Variants in CREB5 observed in about 807,000 individuals in gnomAD.
The protein encoded by CREB5 is cyclic AMP-responsive element-binding protein 5.
A neutral mutation model predicts 57.1 loss-of-function variants in CREB5; 19 were observed. That is an observed-to-expected ratio of 0.33 (90% CI 0.23 to 0.49). CREB5 has a LOEUF of 0.49. Ranked by LOEUF, CREB5 falls within the 20% of genes least tolerant of loss-of-function variation. CREB5 has a pLI of 0.99. For missense variants in CREB5, 579 were observed against 671.6 expected (o/e 0.86, Z 1.52); for synonymous variants, 238 against 238.3 (o/e 1.00, Z 0.01).
rs1459229383 is a variant in CREB5, at chr7:28,560,807, C to CGTGTGCGCGCGTGTGTGTGTGTGT, written c.292-9557_292-9556insTGTGCGCGCGTGTGTGTGTGTGTG. On this transcript the variant is annotated intron_variant, in intron 4 of 10. Coordinates refer to ENST00000357727, the MANE Select transcript of CREB5 (RefSeq NM_182898.4). The stretch of plus-strand genomic sequence containing the variant: ...TTTCTCTGCTTCCACAGTGTGTGTG[C>CGTGTGCGCGCGTGTGTGTGTGTGT]GCGTGTGTGTGTGTGCGCGCGCGCG... Among the ~76,000 whole-genome samples, 2 of 15,076 alleles carry CGTGTGCGCGCGTGTGTGTGTGTGT rather than the reference C, an allele frequency of 1.3e-4. 1 individual carries two copies. Among genetic ancestry groups the CGTGTGCGCGCGTGTGTGTGTGTGT allele is most frequent in the South Asian group, 6.8e-3 (2 of 294 alleles). 9.9% of individuals were successfully genotyped at this position (15,076 alleles called of 152,430 possible).
chr7:28,545,128 C>T (rs988581402), intron 4 of CREB5, among the ~76,000 whole-genome samples: 1 of 152,144 alleles, frequency 6.6e-6, no homozygotes, highest in African/African-American at 2.4e-5. Flanking sequence ...CAGCCCTCTT[C>T]AAATTAGTAA....
At chr7:28,616,969 A>G (rs1232458265) in intron 5 of CREB5, among the ~76,000 whole-genome samples, 6 of 152,256 alleles carry the variant, frequency 3.9e-5, no homozygotes, top group African/African-American at 1.4e-4. Flanking sequence ...TAGACATTGT[A>G]GGCACTAACA....
intron 7 of CREB5, among the ~76,000 whole-genome samples, chr7:28,747,886 C>T (rs2128761552): frequency 6.6e-6 from 1 of 152,308 alleles, no homozygotes; most frequent in African/African-American, 2.4e-5. Flanking sequence ...AACACACTTT[C>T]TCAGCTGGAT....
intron 1 of CREB5, among the ~76,000 whole-genome samples, chr7:28,355,925 A>C (rs1246196652): frequency 6.6e-6 from 1 of 152,172 alleles, no homozygotes; most frequent in South Asian, 2.1e-4. Context: ...TGAAGAAACG[A>C]GTGACTCAAG....
chr7:28,655,211 T>C (rs970419945), intron 5 of CREB5, among the ~76,000 whole-genome samples: 6 of 152,112 alleles, frequency 3.9e-5, no homozygotes, highest in African/African-American at 1.2e-4. Flanking sequence ...CACCATCCTG[T>C]TTCTGGTGTT....
intron 1 of CREB5, among the ~76,000 whole-genome samples, chr7:28,371,350 A>T (rs546182420): frequency 1.3e-5 from 2 of 152,224 alleles, no homozygotes; most frequent in Admixed American, 6.5e-5. Flanking sequence ...AAAGCTGGGC[A>T]TGGTGGCAGG....
intron 1 of CREB5, among the ~76,000 whole-genome samples, chr7:28,421,823 C>T (rs1482087097): frequency 4.2e-5 from 6 of 143,376 alleles, no homozygotes; most frequent in African/African-American, 1.3e-4. Flanking sequence ...ATATAGTGTG[C>T]ATATATATAT....
At position 28,570,481 on chromosome 7, in the gene CREB5, G is replaced by A. The variant is rs148137879; in HGVS notation, c.408G>A (p.Pro136=). The A allele has an allele frequency of 6.4e-5, 104 of 1,614,122 alleles. No homozygotes were observed. The highest frequency in any genetic ancestry group is 8.1e-5 in the Non-Finnish European group (95 of 1,180,010). The change falls in exon 5 of 11, where the codon CCG becomes CCA. Residue 136 remains proline (P), a synonymous_variant. Coordinates refer to ENST00000357727, the MANE Select transcript of CREB5 (RefSeq NM_182898.4). The stretch of plus-strand genomic sequence containing the variant: ...ACGTTGTGATTCAGCAAGCCATGCC[G>A]TCGCCTCAGTCCAGCTCTGTCATCA... ...DTNVVIQQAM[P]SPQSSSVITQ...
rs1055207970 is a variant in CREB5 at position 28,675,412 on chromosome 7, T to C, written c.465-43341T>C. Among the ~76,000 whole-genome samples, 3 of 152,122 alleles carry C rather than the reference T, an allele frequency of 2.0e-5. No homozygotes were observed. The East Asian group carries it at 5.8e-4, about 29-fold the overall frequency. Reference sequence around the variant, plus strand: ...TGTTTCAGAGCCCACCTTCAGAACTTATGACTTTGGTTTTCCCTGCGTTAT... The same window carrying C: ...TGTTTCAGAGCCCACCTTCAGAACTCATGACTTTGGTTTTCCCTGCGTTAT... On this transcript the variant is annotated intron_variant, in intron 5 of 10. Transcript: ENST00000357727.
chr7:28,308,154 G>A (rs914989127), intron 1 of CREB5, among the ~76,000 whole-genome samples: 10 of 152,158 alleles, frequency 6.6e-5, no homozygotes, highest in South Asian at 4.1e-4. Flanking sequence ...ACATGAGTCC[G>A]TTTCCTAAGG....
chr7:28,360,788 A>G (rs1442443798), intron 1 of CREB5, among the ~76,000 whole-genome samples: 2 of 152,232 alleles, frequency 1.3e-5, no homozygotes, highest in East Asian at 1.9e-4. Context: ...GTCTGTCACA[A>G]GCATAGTTAG....
intron 4 of CREB5, among the ~76,000 whole-genome samples, chr7:28,551,893 TTC>T (rs1491349205): frequency 2.0e-5 from 3 of 151,618 alleles, no homozygotes; most frequent in Admixed American, 2.0e-4. Flanking sequence ...TTTTCTTTCT[TTC>T]TTTCTCTTTT....
intron 1 of CREB5, among the ~76,000 whole-genome samples, chr7:28,352,077 G>T (rs1323145430): frequency 6.6e-6 from 1 of 152,176 alleles, no homozygotes. Flanking sequence ...TCATTTGAAG[G>T]CATAGAGCTG....
intron 5 of CREB5, among the ~76,000 whole-genome samples, chr7:28,691,342 C>A (rs1801244342): frequency 1.3e-5 from 2 of 150,182 alleles, no homozygotes; most frequent in African/African-American, 4.9e-5. Flanking sequence ...ATTGCTTGAA[C>A]CCAGGAGGCA....
chr7:28,457,781 C>T (rs1790173199), intron 1 of CREB5, among the ~76,000 whole-genome samples: 1 of 152,004 alleles, frequency 6.6e-6, no homozygotes, highest in Non-Finnish European at 1.5e-5. Context: ...CTGGGTTTGT[C>T]CCTGACTTAG....
intron 7 of CREB5, among the ~76,000 whole-genome samples, chr7:28,773,950 A>G (rs1806480663): frequency 6.6e-6 from 1 of 152,152 alleles, no homozygotes; most frequent in African/African-American, 2.4e-5. Context: ...TGTGTTTTCC[A>G]ACATAAAGAC....
At chr7:28,504,198 A>G (rs200389827) in intron 3 of CREB5, among the ~76,000 whole-genome samples, 1 of 152,192 alleles carries the variant, frequency 6.6e-6, no homozygotes, top group Non-Finnish European at 1.5e-5. Context: ...TGTTAAAAAA[A>G]GGGGACAGCT....
chr7:28,412,986 G>A (rs1787866693), intron 1 of CREB5, 69 bp downstream of exon 1: 2 of 1,306,204 alleles, frequency 1.5e-6, no homozygotes, highest in South Asian at 2.1e-5. Context: ...TAGAACCAAT[G>A]TTGTATTTTC....
intron 1 of CREB5, among the ~76,000 whole-genome samples, chr7:28,322,185 G>A (rs931388927): frequency 6.6e-6 from 1 of 152,018 alleles, no homozygotes; most frequent in African/African-American, 2.4e-5. Flanking sequence ...TTGAGAAAAG[G>A]GTTCTGTGAG....
Sources: gnomAD v4.1 joint callset for allele counts (sites outside exome capture counted in the v4.1 genomes callset) on GRCh38, gnomAD v4.1.1 for gene constraint, MANE v1.5 for transcripts, NCBI Gene and HGNC (gene_info 2026-07-23, HGNC 2026-07-21) for gene names.